The following MTSS1 variants were observed in gnomAD, a reference collection of about 807,000 sequenced individuals.
MTSS1 encodes MTSS I-BAR domain containing 1, also known as protein MTSS 1.
MTSS1 carries 18 observed loss-of-function variants against 79.0 expected under a neutral mutation model. That is an observed-to-expected ratio of 0.23 (90% CI 0.16 to 0.34). The LOEUF is 0.34. MTSS1 is among the 10% of genes least tolerant of loss of function. MTSS1 has a pLI of 1.00. For missense variants in MTSS1, 815 were observed against 986.2 expected, an observed-to-expected ratio of 0.83 and a Z score of 2.33; for synonymous variants, 341 against 368.6, an observed-to-expected ratio of 0.93 and a Z score of 0.86.
intron 3 of MTSS1, among the ~76,000 whole-genome samples, chr8:124,641,847 A>G (rs1818108855): frequency 6.6e-6 from 1 of 152,240 alleles, no homozygotes; most frequent in African/African-American, 2.4e-5. Flanking sequence ...GAGAATTTAA[A>G]AAGTATCAGA....
At position 124,553,303 on chromosome 8, in the gene MTSS1, C is replaced by G. The variant is rs757110027; in HGVS notation, c.1957G>C (p.Gly653Arg). The change falls in exon 14 of 14, where the codon GGC (glycine) becomes CGC (arginine). Residue 653 changes from glycine to arginine, a missense_variant. Coordinates refer to ENST00000518547, the MANE Select transcript of MTSS1 (RefSeq NM_014751.6). The surrounding 1 kb of genome is among the most constrained non-coding windows in gnomAD (Gnocchi z 6.0). ...GGCATGCTGGTGACACCTTGGGGGC[C>G]CTCACCCACAGATGGCGACTCAGGG... Reference protein sequence around the residue: ...HSPESPSVGEGPQGVTSMPSS... With the variant: ...HSPESPSVGERPQGVTSMPSS... The G allele has an allele frequency of 1.2e-6, 2 of 1,614,096 alleles. No individual in the cohort carries two copies. Among genetic ancestry groups the G allele is most frequent in the Non-Finnish European group, 1.7e-6 (2 of 1,180,008 alleles).
At chr8:124,612,991 AG>A (rs1051128771) in intron 3 of MTSS1, among the ~76,000 whole-genome samples, 5 of 152,164 alleles carry the variant, frequency 3.3e-5, no homozygotes, top group African/African-American at 1.2e-4. Context: ...ACAGGAAAAA[AG>A]GTCTCAGGGG....
chr8:124,607,566 C>A (rs78409163), intron 3 of MTSS1, among the ~76,000 whole-genome samples: 1 of 152,166 alleles, frequency 6.6e-6, no homozygotes, highest in Non-Finnish European at 1.5e-5. Context: ...ATGAGGCTTG[C>A]GCAGGAGAGA....
chr8:124,596,571 C>A (rs1013183672), intron 3 of MTSS1, among the ~76,000 whole-genome samples: 2 of 152,226 alleles, frequency 1.3e-5, no homozygotes, highest in Admixed American at 1.3e-4. Flanking sequence ...CATATGAAGA[C>A]ACACGATCCA....
At position 124,727,832 on chromosome 8, in the gene MTSS1, G is replaced by C; in HGVS notation, c.72+52C>G. On this transcript the variant is annotated intron_variant, in intron 1 of 13. Transcript: ENST00000518547. The surrounding 1 kb of genome is among the most constrained non-coding windows in gnomAD (Gnocchi z 4.7). ...CCCGGGGTGGAGGCGAAGCGCGGCG[G>C]CGAGGTCAGAGCGCGGCGGCCGGCG... 6.8e-7 allele frequency: 1 copy of C among 1,474,370 alleles called. No homozygotes were observed. The allele number at this position is 1,474,370 out of a possible 1,614,324, so 91.3% of individuals were successfully genotyped here.
At chr8:124,668,929 T>C (rs2134581032) in intron 3 of MTSS1, among the ~76,000 whole-genome samples, 1 of 152,332 alleles carries the variant, frequency 6.6e-6, no homozygotes, top group South Asian at 2.1e-4. Context: ...AATGATGTCC[T>C]ACATGTAGCA....
At chr8:124,557,897 G>C (rs200146187) in intron 10 of MTSS1, 22 bp from the exon 11 acceptor site, 12 of 1,532,154 alleles carry the variant, frequency 7.8e-6, no homozygotes, top group Middle Eastern at 1.8e-4. Flanking sequence ...CAAAAAAAGG[G>C]GGGGGGAAGG....
chr8:124,715,151 A>C (rs1331290780), intron 1 of MTSS1, among the ~76,000 whole-genome samples: 2 of 152,038 alleles, frequency 1.3e-5, no homozygotes, highest in African/African-American at 4.8e-5. Context: ...ACCTGCCTCT[A>C]CCCAACTCCA....
At chr8:124,692,286 T>C (rs1323943769) in intron 3 of MTSS1, among the ~76,000 whole-genome samples, 2 of 152,056 alleles carry the variant, frequency 1.3e-5, no homozygotes, top group Non-Finnish European at 2.9e-5. Flanking sequence ...CACCTCGGCC[T>C]CTCAAATGAT....
intron 3 of MTSS1, among the ~76,000 whole-genome samples, chr8:124,668,172 G>A (rs778793915): frequency 6.6e-6 from 1 of 152,222 alleles, no homozygotes; most frequent in Non-Finnish European, 1.5e-5. Flanking sequence ...AGCAACTGAG[G>A]AGGACACAGC....
At chr8:124,618,319 G>A (rs2133462175) in intron 3 of MTSS1, among the ~76,000 whole-genome samples, 2 of 152,260 alleles carry the variant, frequency 1.3e-5, no homozygotes, top group Middle Eastern at 6.8e-3. Flanking sequence ...TTTTTCCCAA[G>A]CAAATGGACA....
chr8:124,664,155 C>A (rs950351687), intron 3 of MTSS1, among the ~76,000 whole-genome samples: 1 of 152,202 alleles, frequency 6.6e-6, no homozygotes, highest in African/African-American at 2.4e-5. Context: ...GCTACCCCCT[C>A]TCCAGTCCTT....
intron 3 of MTSS1, among the ~76,000 whole-genome samples, chr8:124,594,727 G>GATGAC (rs1832464249): frequency 6.6e-6 from 1 of 152,234 alleles, no homozygotes; most frequent in Non-Finnish European, 1.5e-5. Flanking sequence ...ACAGGAGGCA[G>GATGAC]ATGACATCCT....
At chr8:124,688,840 C>A (rs1564000899) in intron 3 of MTSS1, among the ~76,000 whole-genome samples, 1 of 152,108 alleles carries the variant, frequency 6.6e-6, no homozygotes, top group Non-Finnish European at 1.5e-5. Context: ...CCCCAGTCTC[C>A]TTCCTAGCTG....
chr8:124,555,394 T>G (rs4870902), intron 13 of MTSS1, among the ~76,000 whole-genome samples: 24,136 of 152,060 alleles, frequency 0.16, 2,424 homozygotes, highest in Admixed American at 0.25. Context: ...TACAGGCGCC[T>G]GCCACCACGC....
At chr8:124,605,963 A>AT (rs35985246) in intron 3 of MTSS1, among the ~76,000 whole-genome samples, 2,064 of 105,970 alleles carry the variant, frequency 0.019, 74 homozygotes, top group Non-Finnish European at 0.029. Flanking sequence ...TAGGTATCTC[A>AT]TTTTTTTTTT....
Position 124,727,713 on chromosome 8 carries a change from C to T in MTSS1, c.72+171G>A. 1.5e-6 allele frequency: 1 copy of T among 679,030 alleles called. No homozygotes were observed. Among genetic ancestry groups the T allele is most frequent in the Non-Finnish European group, 2.6e-6 (1 of 379,086 alleles). 42.1% of individuals were successfully genotyped at this position (679,030 alleles called of 1,614,324 possible). ...CACCCGCCCAGTGACCCCGCAGAGC[C>T]CGGAGCAGCGCCCCGGGTGAGCAGG... On this transcript the variant is annotated intron_variant, in intron 1 of 13. Coordinates refer to ENST00000518547, the MANE Select transcript of MTSS1 (RefSeq NM_014751.6). This position sits in a 1 kb window ranked among gnomAD's most constrained non-coding sequence, Gnocchi z 4.7.
At chr8:124,557,545 G>A in intron 11 of MTSS1, 136 bp downstream of exon 11, 2 of 966,876 alleles carry the variant, frequency 2.1e-6, no homozygotes, top group Non-Finnish European at 3.0e-6. Flanking sequence ...GTTTCCTGAG[G>A]GAGAGGCATT....
At chr8:124,618,460 T>C (rs2133465968) in intron 3 of MTSS1, among the ~76,000 whole-genome samples, 1 of 152,378 alleles carries the variant, frequency 6.6e-6, no homozygotes, top group East Asian at 1.9e-4. Flanking sequence ...GGGCAGGGTC[T>C]GTGTACCAAT....
Sources: allele counts gnomAD v4.1 joint callset (sites outside exome capture counted in the v4.1 genomes callset), GRCh38; gene constraint gnomAD v4.1.1; non-coding constraint Gnocchi (gnomAD v3.1); transcripts MANE v1.5; gene names NCBI Gene and HGNC (gene_info 2026-07-23, HGNC 2026-07-21).